DLG2: variants seen among roughly 807,000 people sequenced by gnomAD.
DLG2 encodes the protein discs large MAGUK scaffold protein 2, also known as disks large homolog 2.
In DLG2, 45 loss-of-function variants were observed where a neutral mutation model predicts 132.5. The ratio of observed to expected loss-of-function variants is 0.34; its 90% CI spans 0.27 to 0.44. The LOEUF is 0.44. DLG2 is among the 20% of genes least tolerant of loss of function. The pLI, the probability that DLG2 is intolerant of heterozygous loss-of-function variation, is 1.00. For missense variants in DLG2, 1,045 were observed against 1,196.9 expected, an observed-to-expected ratio of 0.87 and a Z score of 1.87; for synonymous variants, 424 against 419.6, an observed-to-expected ratio of 1.01 and a Z score of -0.13.
chr11:84,151,716 T>C (rs1452323596), intron 9 of DLG2, among the ~76,000 whole-genome samples: 1 of 152,230 alleles, frequency 6.6e-6, no homozygotes, highest in Admixed American at 6.5e-5. Flanking sequence ...CTGCTTTCAC[T>C]GAATCCTAGA....
chr11:83,975,298 C>T (rs1002551884), intron 12 of DLG2, among the ~76,000 whole-genome samples: 1 of 152,032 alleles, frequency 6.6e-6, no homozygotes, highest in Non-Finnish European at 1.5e-5. Context: ...GAGACTACAA[C>T]ACTAAACCAC....
Position 85,013,706 on chromosome 11 carries a change from ATAAGT to A in DLG2, c.357+97950_357+97954del, listed in dbSNP as rs1316531765. Among the ~76,000 whole-genome samples the A allele has an allele frequency of 9.2e-5, 14 of 152,308 alleles. 1 individual carries two copies. Among genetic ancestry groups the A allele is most frequent in the African/African-American group, 2.6e-4 (11 of 41,580 alleles). On this transcript the variant is annotated intron_variant, in intron 6 of 27. Coordinates refer to ENST00000376104, the MANE Select transcript of DLG2 (RefSeq NM_001142699.3). ...ATAAGAGAAGATAAAATTTTTGAAA[ATAAGT>A]TAAGTTACTAAGTATATTCTTTATA... is the stretch of plus-strand genomic sequence containing the variant.
At chr11:84,990,256 C>A (rs1392909283) in intron 6 of DLG2, among the ~76,000 whole-genome samples, 1 of 152,194 alleles carries the variant, frequency 6.6e-6, no homozygotes, top group Non-Finnish European at 1.5e-5. Flanking sequence ...TCATCATCTG[C>A]TATGCTTTGA....
intron 18 of DLG2, among the ~76,000 whole-genome samples, chr11:83,667,512 C>G (rs944327463): frequency 6.6e-6 from 1 of 152,188 alleles, no homozygotes; most frequent in Non-Finnish European, 1.5e-5. Flanking sequence ...TTCACAAATA[C>G]TCATTACCTG....
At chr11:84,192,844 C>G (rs2096440399) in intron 8 of DLG2, among the ~76,000 whole-genome samples, 1 of 152,136 alleles carries the variant, frequency 6.6e-6, no homozygotes, top group Admixed American at 6.5e-5. Context: ...TGTAAACACT[C>G]CTAATCATGA....
chr11:85,288,902 T>C (rs1383129304), intron 3 of DLG2, among the ~76,000 whole-genome samples: 1 of 152,070 alleles, frequency 6.6e-6, no homozygotes, highest in Non-Finnish European at 1.5e-5. Context: ...AAAGAAAGGG[T>C]ATTTATCATA....
intron 18 of DLG2, among the ~76,000 whole-genome samples, chr11:83,669,724 A>G (rs1163453894): frequency 4.6e-5 from 7 of 152,228 alleles, no homozygotes; most frequent in Admixed American, 2.6e-4. Flanking sequence ...CCAACCCTGA[A>G]AAACAAAGGA....
intron 6 of DLG2, among the ~76,000 whole-genome samples, chr11:84,977,530 C>T (rs1276330486): frequency 6.6e-6 from 1 of 152,114 alleles, no homozygotes; most frequent in Non-Finnish European, 1.5e-5. Flanking sequence ...ATGCCCTGAC[C>T]CCTTAGAAAT....
intron 15 of DLG2, among the ~76,000 whole-genome samples, chr11:83,923,327 A>G (rs1293998228): frequency 6.6e-6 from 1 of 152,172 alleles, no homozygotes; most frequent in Non-Finnish European, 1.5e-5. Flanking sequence ...TGAGGGGAAC[A>G]GCACAGATAC....
intron 7 of DLG2, among the ~76,000 whole-genome samples, chr11:84,485,230 G>C (rs1296786160): frequency 6.6e-6 from 1 of 151,814 alleles, no homozygotes; most frequent in African/African-American, 2.4e-5. Flanking sequence ...CCTTCTCTAT[G>C]GTACTTAGTT....
intron 19 of DLG2, among the ~76,000 whole-genome samples, chr11:83,605,022 A>AGAGAGAGAGG (rs1555236914): frequency 6.6e-6 from 1 of 151,524 alleles, no homozygotes; most frequent in African/African-American, 2.4e-5. Context: ...AGAGAGAGAG[A>AGAGAGAGAGG]GAGAGAGAGA....
At chr11:84,584,527 T>C (rs1036651968) in intron 6 of DLG2, among the ~76,000 whole-genome samples, 1 of 151,312 alleles carries the variant, frequency 6.6e-6, no homozygotes, top group African/African-American at 2.4e-5. Flanking sequence ...TTTTTAATAT[T>C]ATTATTATTT....
intron 6 of DLG2, among the ~76,000 whole-genome samples, chr11:84,658,897 C>T (rs1042479240): frequency 1.3e-5 from 2 of 152,152 alleles, no homozygotes; most frequent in Non-Finnish European, 2.9e-5. Flanking sequence ...TGGACTAACA[C>T]AGCTCCCTAA....
chr11:85,032,952 C>G lies in DLG2; in HGVS notation c.357+78709G>C, dbSNP rs370299729. Among the ~76,000 whole-genome samples the G allele has an allele frequency of 1.1e-4, 17 of 152,232 alleles. No individual in the cohort carries two copies. The East Asian group carries it at 3.3e-3, about 29-fold the overall frequency. On this transcript the variant is annotated intron_variant, in intron 6 of 27. Coordinates refer to ENST00000376104, the MANE Select transcript of DLG2 (RefSeq NM_001142699.3). Reference sequence around the variant, plus strand: ...AAGCATCTGTTACCACATGTCCTACCAAACATGCCAATAAGTGAGACAAGA... The same window carrying G: ...AAGCATCTGTTACCACATGTCCTACGAAACATGCCAATAAGTGAGACAAGA...
chr11:84,860,468 A>T (rs1464397467), intron 6 of DLG2, among the ~76,000 whole-genome samples: 2 of 152,030 alleles, frequency 1.3e-5, no homozygotes, highest in Non-Finnish European at 2.9e-5. Flanking sequence ...ATGGACTGGG[A>T]TTTTCTATTG....
At chr11:85,073,970 A>C (rs1217118671) in intron 6 of DLG2, among the ~76,000 whole-genome samples, 1 of 151,886 alleles carries the variant, frequency 6.6e-6, no homozygotes, top group Non-Finnish European at 1.5e-5. Context: ...TCTGAAGGCC[A>C]TTATCCAAGT....
At chr11:83,856,590 G>A (rs2060568546) in intron 16 of DLG2, among the ~76,000 whole-genome samples, 1 of 152,162 alleles carries the variant, frequency 6.6e-6, no homozygotes, top group Admixed American at 6.5e-5. Context: ...GATCAGTGAT[G>A]TTGACCTTTA....
At chr11:84,545,751 CTTT>C (rs35596423) in intron 6 of DLG2, 278 of 106,710 alleles carry the variant, frequency 2.6e-3, no homozygotes, top group Middle Eastern at 9.9e-3. Flanking sequence ...AGGTGATGTT[CTTT>C]TTTTTTTTTT....
rs538643166 is a variant in DLG2, at chr11:85,003,390, A to G, written c.357+108271T>C. 6.6e-5 allele frequency among the ~76,000 whole-genome samples: 10 copies of G among 152,334 alleles called. No individual in the cohort carries two copies. In the East Asian group the frequency reaches 1.7e-3, roughly 26 times the overall value. The stretch of plus-strand genomic sequence containing the variant: ...TGCAAGAAGGTGACATAATTACAAT[A>G]AACCGTTGGATATACTAAAATAATG... On this transcript the variant is annotated intron_variant, in intron 6 of 27. Transcript: ENST00000376104.
Sources: gnomAD v4.1 joint callset for allele counts (sites outside exome capture counted in the v4.1 genomes callset) on GRCh38, gnomAD v4.1.1 for gene constraint, MANE v1.5 for transcripts, NCBI Gene and HGNC (gene_info 2026-07-23, HGNC 2026-07-21) for gene names.